The following CYB5A variants were observed in gnomAD, a reference collection of about 807,000 sequenced individuals.
CYB5A encodes the protein cytochrome b5.
In CYB5A, 10 loss-of-function variants were observed where a neutral mutation model predicts 16.2. The observed-to-expected ratio is 0.62, with a 90% CI of 0.38 to 1.04. The LOEUF (loss-of-function observed/expected upper bound fraction) is 1.04, where lower values mean the gene tolerates loss of function less well. CYB5A is among the 50% of genes least tolerant of loss of function. CYB5A has a pLI of 0.01. For synonymous variants in CYB5A, 62 were observed against 57.0 expected (o/e 1.09, Z -0.40); for missense variants, 161 against 165.9 (o/e 0.97, Z 0.16).
intron 1 of CYB5A, among the ~76,000 whole-genome samples, chr18:74,290,277 C>A (rs1983481821): frequency 6.6e-6 from 1 of 152,138 alleles, no homozygotes; most frequent in South Asian, 2.1e-4. Flanking sequence ...CAGAGTCTCA[C>A]TCTGTCCCCC....
intron 1 of CYB5A, among the ~76,000 whole-genome samples, chr18:74,285,385 T>C (rs1356979409): frequency 6.6e-6 from 1 of 152,230 alleles, no homozygotes; most frequent in Non-Finnish European, 1.5e-5. Context: ...AGGTATTACT[T>C]GCCACAGCTT....
intron 1 of CYB5A, among the ~76,000 whole-genome samples, chr18:74,288,616 GACAA>G (rs1412232179): frequency 2.6e-5 from 4 of 152,188 alleles, no homozygotes; most frequent in Non-Finnish European, 4.4e-5. Flanking sequence ...GTACGTTTCA[GACAA>G]ACAGACTAGC....
intron 1 of CYB5A, among the ~76,000 whole-genome samples, chr18:74,290,704 G>A (rs1224125706): frequency 6.6e-6 from 1 of 152,158 alleles, no homozygotes; most frequent in Non-Finnish European, 1.5e-5. Flanking sequence ...CTCATTATTG[G>A]GAGGGGGCGT....
chr18:74,273,916 G>C (rs1356614639), intron 1 of CYB5A, among the ~76,000 whole-genome samples: 1 of 152,218 alleles, frequency 6.6e-6, no homozygotes, highest in Non-Finnish European at 1.5e-5. Context: ...CAAAACTTCT[G>C]GGCAATATTG....
chr18:74,288,387 C>A (rs1983398520), intron 1 of CYB5A, among the ~76,000 whole-genome samples: 1 of 152,146 alleles, frequency 6.6e-6, no homozygotes, highest in African/African-American at 2.4e-5. Flanking sequence ...TCACAGTAAA[C>A]AAAGGTCTAG....
chr18:74,254,575 A>G (rs898906845), intron 4 of CYB5A, among the ~76,000 whole-genome samples: 8 of 150,838 alleles, frequency 5.3e-5, no homozygotes, highest in African/African-American at 2.0e-4. Context: ...GCTGGAGTGC[A>G]GTGGCACGAT....
At chr18:74,283,574 G>A (rs1983200027) in intron 1 of CYB5A, among the ~76,000 whole-genome samples, 1 of 152,132 alleles carries the variant, frequency 6.6e-6, no homozygotes, top group Admixed American at 6.5e-5. Context: ...ACTTTCCAAG[G>A]GTTTTGGCTT....
At chr18:74,263,559 A>G (rs1044100216) in intron 1 of CYB5A, 82 bp from the exon 2 acceptor site, 4 of 1,224,454 alleles carry the variant, frequency 3.3e-6, no homozygotes, top group Admixed American at 1.7e-5. Context: ...ATTTAACCAA[A>G]CAGGTGACTC....
intron 4 of CYB5A, among the ~76,000 whole-genome samples, chr18:74,254,006 C>T (rs1388922818): frequency 1.3e-5 from 2 of 152,082 alleles, no homozygotes; most frequent in African/African-American, 4.8e-5. Flanking sequence ...TAGTAAAAAC[C>T]TTCTACCAAA....
intron 1 of CYB5A, among the ~76,000 whole-genome samples, chr18:74,264,321 ATCCT>A (rs1982346779): frequency 1.3e-5 from 2 of 152,080 alleles, no homozygotes; most frequent in African/African-American, 2.4e-5. Flanking sequence ...CGTGTCCTTC[ATCCT>A]TTGGTAATGT....
intron 1 of CYB5A, among the ~76,000 whole-genome samples, chr18:74,265,770 G>C (rs1378202704): frequency 6.6e-6 from 1 of 152,198 alleles, no homozygotes; most frequent in Non-Finnish European, 1.5e-5. Context: ...CATGGCGAGA[G>C]AGGAGGTGGT....
chr18:74,254,836 A>C (rs1160063679), intron 4 of CYB5A, among the ~76,000 whole-genome samples: 4 of 152,142 alleles, frequency 2.6e-5, no homozygotes, highest in Non-Finnish European at 5.9e-5. Context: ...TGAATCTTTA[A>C]ATTAGATTTG....
intron 1 of CYB5A, among the ~76,000 whole-genome samples, chr18:74,275,926 G>A (rs1982856110): frequency 6.6e-6 from 1 of 152,196 alleles, no homozygotes; most frequent in Non-Finnish European, 1.5e-5. Context: ...ACCCGGCGGT[G>A]CGCAGACCAG....
At chr18:74,256,763 A>T in intron 3 of CYB5A, 2 of 1,453,404 alleles carry the variant, frequency 1.4e-6, no homozygotes, top group Non-Finnish European at 1.9e-6. Context: ...CACGTTAGAG[A>T]AACTCCCGTG....
chr18:74,291,688 G>A, intron 1 of CYB5A, 59 bp downstream of exon 1: 3 of 1,611,044 alleles, frequency 1.9e-6, no homozygotes, highest in Admixed American at 1.7e-5. Flanking sequence ...GGTCATGCCA[G>A]TGAACCCCCA....
rs569359414 is a variant in CYB5A, at chr18:74,252,711, C to CA, written c.*872_*873insT. Reference sequence around the variant, plus strand: ...TCTTATAGGCCCTGTAGGCTACTTTCTTTTTTTTTTGAGACAGAGTTTCAC... The same window carrying CA: ...TCTTATAGGCCCTGTAGGCTACTTTCATTTTTTTTTTGAGACAGAGTTTCAC... On this transcript the variant is annotated 3_prime_UTR_variant, in exon 5 of 5. Transcript: ENST00000340533. The CA allele has an allele frequency of 1.3e-5, 2 of 149,312 alleles. No individual in the cohort carries two copies. Among genetic ancestry groups the CA allele is most frequent in the African/African-American group, 2.5e-5 (1 of 40,730 alleles). The allele number at this position is 149,312 out of a possible 1,614,324, so 9.2% of individuals were successfully genotyped here. A position where few individuals can be genotyped will look rare whatever the true frequency, so the allele number is the denominator to read the frequency against.
Position 74,251,205 on chromosome 18 carries a change from G to A in CYB5A, c.*2379C>T, listed in dbSNP as rs1981766332. The A allele has an allele frequency of 6.6e-6, 1 of 151,652 alleles. No individual in the cohort carries two copies. The highest frequency in any genetic ancestry group is 2.4e-5 in the African/African-American group (1 of 41,166). 9.4% of individuals were successfully genotyped at this position (151,652 alleles called of 1,614,324 possible). A position where few individuals can be genotyped will look rare whatever the true frequency, so the allele number is the denominator to read the frequency against. On this transcript the variant is annotated 3_prime_UTR_variant, in exon 5 of 5. Coordinates refer to ENST00000340533, the MANE Select transcript of CYB5A (RefSeq NM_148923.4). ...AAAAAAAAAAAAGAAAGTTTACTTT[G>A]CCAAGGTTGAGGACATGCCCGTGAC...
chr18:74,263,245 C>G, intron 2 of CYB5A, 104 bp downstream of exon 2: 8 of 1,456,910 alleles, frequency 5.5e-6, no homozygotes, highest in Non-Finnish European at 1.9e-6. Context: ...GTTGTTTTTG[C>G]TTTACTCCTT....
At chr18:74,281,121 G>A (rs1398706934) in intron 1 of CYB5A, among the ~76,000 whole-genome samples, 2 of 152,156 alleles carry the variant, frequency 1.3e-5, no homozygotes, top group South Asian at 4.1e-4. Flanking sequence ...TGGACTGGAT[G>A]TGGGTATGAG....
Sources: gnomAD v4.1 joint callset for allele counts (sites outside exome capture counted in the v4.1 genomes callset) on GRCh38, gnomAD v4.1.1 for gene constraint, MANE v1.5 for transcripts, NCBI Gene and HGNC (gene_info 2026-07-23, HGNC 2026-07-21) for gene names.